ZNF250: variants seen among roughly 807,000 people sequenced by gnomAD.
ZNF250 encodes the protein zinc finger protein 250.
ZNF250 carries 13 observed loss-of-function variants against 37.1 expected under a neutral mutation model. That is an observed-to-expected ratio of 0.35 (90% CI 0.23 to 0.56). The LOEUF (loss-of-function observed/expected upper bound fraction) is 0.56, where lower values mean the gene tolerates loss of function less well. ZNF250 is among the 20% of genes least tolerant of loss of function. The probability of loss-of-function intolerance (pLI) is 0.87; values close to 1 mark genes in which losing one functional copy is unlikely to be tolerated. For missense variants in ZNF250, 474 were observed against 697.9 expected, an observed-to-expected ratio of 0.68 and a Z score of 3.61; for synonymous variants, 251 against 265.6, an observed-to-expected ratio of 0.94 and a Z score of 0.54.
intron 5 of ZNF250, among the ~76,000 whole-genome samples, chr8:144,883,214 C>T (rs989183177): frequency 2.0e-5 from 3 of 152,186 alleles, no homozygotes; most frequent in African/African-American, 7.2e-5. Flanking sequence ...GGGCAGACAG[C>T]AGCACTTGGG....
At chr8:144,884,084 TCTGAG>T (rs1831698296) in intron 5 of ZNF250, among the ~76,000 whole-genome samples, 1 of 152,142 alleles carries the variant, frequency 6.6e-6, no homozygotes, top group African/African-American at 2.4e-5. Context: ...TATGCGTGTT[TCTGAG>T]CTTTCTATAG....
At position 144,877,571 on chromosome 8, in the gene ZNF250, C is replaced by T. The variant is rs931803042; in HGVS notation, c.*3944G>A. 1 of 152,132 alleles carries T rather than the reference C, an allele frequency of 6.6e-6. No homozygotes were observed. The highest frequency in any genetic ancestry group is 1.9e-4 in the East Asian group (1 of 5,196). The allele number at this position is 152,132 out of a possible 1,614,324, so 9.4% of individuals were successfully genotyped here. ...CCCACATGTTCCAGTAGGTCATGTG[C>T]CACCTCTTTCTCCTTGGAGAGGAGG... On this transcript the variant is annotated 3_prime_UTR_variant, in exon 6 of 6. Transcript: ENST00000417550.
chr8:144,890,044 C>T lies in ZNF250; in HGVS notation c.58G>A (p.Glu20Lys), dbSNP rs1304751076. 4 of 1,612,818 alleles carry T rather than the reference C, an allele frequency of 2.5e-6. No individual in the cohort carries two copies. The highest frequency in any genetic ancestry group is 1.6e-4 in the Middle Eastern group (1 of 6,062). The change falls in exon 3 of 6, where the codon GAG becomes AAG. Residue 20 changes from glutamate to lysine, a missense_variant. Physicochemically the swap from Glu to Lys is moderately conservative, Grantham distance 56. Around this residue, in one of 2 missense-constraint regions of ZNF250, gnomAD observed 192 missense variants for 227.5 expected, o/e 0.84. Coordinates refer to ENST00000417550, the MANE Select transcript of ZNF250 (RefSeq NM_001109689.4). This position sits in a 1 kb window ranked among gnomAD's most constrained non-coding sequence, Gnocchi z 5.1. ...PAGPQAKLTF[E>K]DVAVLLSQDE... ...TGGGAGAGGAGCACAGCCACATCCT[C>T]GAAGGTCAGCTTGGCCTGGAACGAC... is the stretch of plus-strand genomic sequence containing the variant.
Position 144,890,060 on chromosome 8 carries a change from C to G in ZNF250, c.43-1G>C, listed in dbSNP as rs769825032. 1.2e-6 allele frequency: 2 copies of G among 1,612,110 alleles called. No individual in the cohort carries two copies. The highest frequency in any genetic ancestry group is 1.7e-6 in the Non-Finnish European group (2 of 1,179,126). ...CCACATCCTCGAAGGTCAGCTTGGC[C>G]TGGAACGACAGGGGCTGCTGCAGGT... On this transcript the variant is annotated splice_acceptor_variant, in intron 2 of 5. Coordinates refer to ENST00000417550, the MANE Select transcript of ZNF250 (RefSeq NM_001109689.4). LOFTEE classifies it high-confidence loss of function. This position sits in a 1 kb window ranked among gnomAD's most constrained non-coding sequence, Gnocchi z 5.1.
Position 144,881,348 on chromosome 8 carries a change from T to A in ZNF250, c.*167A>T, listed in dbSNP as rs898175885. Reference sequence around the variant, plus strand: ...ATAAAACAGGTAGTCTCTGAAGTTTTTCCACAGGAACAGCACGCTAAGTGC... The same window carrying A: ...ATAAAACAGGTAGTCTCTGAAGTTTATCCACAGGAACAGCACGCTAAGTGC... On this transcript the variant is annotated 3_prime_UTR_variant, in exon 6 of 6. Transcript: ENST00000417550. 9.9e-7 allele frequency: 1 copy of A among 1,007,004 alleles called. No homozygotes were observed. The highest frequency in any genetic ancestry group is 1.4e-6 in the Non-Finnish European group (1 of 734,218). 62.4% of individuals were successfully genotyped at this position (1,007,004 alleles called of 1,614,324 possible).
At chr8:144,886,805 T>C (rs761097835) in intron 5 of ZNF250, 35 bp downstream of exon 5, 46 of 1,587,664 alleles carry the variant, frequency 2.9e-5, no homozygotes, top group African/African-American at 2.7e-5. Context: ...CCTTCAGAGA[T>C]TGTACTGAAT....
chr8:144,882,859 A>G lies in ZNF250; in HGVS notation c.347-23T>C, dbSNP rs781179805. The G allele has an allele frequency of 6.3e-7, 1 of 1,586,594 alleles. No individual in the cohort carries two copies. ...ATTCTGAAAGAACAAATCCAAAATG[A>G]AAATGTTAACACTACTCAAAACTGA... On this transcript the variant is annotated intron_variant, in intron 5 of 5. Coordinates refer to ENST00000417550, the MANE Select transcript of ZNF250 (RefSeq NM_001109689.4). The surrounding 1 kb of genome is among the most constrained non-coding windows in gnomAD (Gnocchi z 5.5).
chr8:144,883,322 C>T (rs1423833773), intron 5 of ZNF250, among the ~76,000 whole-genome samples: 1 of 151,796 alleles, frequency 6.6e-6, no homozygotes, highest in Non-Finnish European at 1.5e-5. Context: ...GTGCTGCCAC[C>T]TCTTTGTGGA....
chr8:144,886,568 G>A (rs1213624631), intron 5 of ZNF250, among the ~76,000 whole-genome samples: 6 of 152,096 alleles, frequency 3.9e-5, no homozygotes, highest in South Asian at 4.2e-4. Context: ...TAAGCATGAC[G>A]GAACAAATAA....
At chr8:144,898,446 G>T (rs1832870762) in intron 1 of ZNF250, among the ~76,000 whole-genome samples, 1 of 151,938 alleles carries the variant, frequency 6.6e-6, no homozygotes, top group African/African-American at 2.4e-5. Context: ...ATAGCAACAA[G>T]AAACAAGATT....
chr8:144,890,367 A>C lies in ZNF250; in HGVS notation c.-18T>G. ...GCTGCCATCACCTGGTCTCCTGGGG[A>C]CTCCGAGGATCACGGAAATTGAAGG... On this transcript the variant is annotated 5_prime_UTR_variant, in exon 2 of 6. Coordinates refer to ENST00000417550, the MANE Select transcript of ZNF250 (RefSeq NM_001109689.4). The surrounding 1 kb of genome is among the most constrained non-coding windows in gnomAD (Gnocchi z 5.1). 1 of 1,465,274 alleles carries C rather than the reference A, an allele frequency of 6.8e-7. No homozygotes were observed. Among genetic ancestry groups the C allele is most frequent in the South Asian group, 1.6e-5 (1 of 64,188 alleles). 90.8% of individuals were successfully genotyped at this position (1,465,274 alleles called of 1,614,324 possible). A position where few individuals can be genotyped will look rare whatever the true frequency, so the allele number is the denominator to read the frequency against.
rs1264214031 is a variant in ZNF250 at position 144,879,849 on chromosome 8, T to A, written c.*1666A>T. On this transcript the variant is annotated 3_prime_UTR_variant, in exon 6 of 6. Coordinates refer to ENST00000417550, the MANE Select transcript of ZNF250 (RefSeq NM_001109689.4). ...GGGAGGCCGAGGCGGGCGGATCACC[T>A]GAGGTCAGGAGTTTGAGACCAGCCT... 6.6e-6 allele frequency: 1 copy of A among 152,362 alleles called. No homozygotes were observed. Among genetic ancestry groups the A allele is most frequent in the Non-Finnish European group, 1.5e-5 (1 of 68,150 alleles). 9.4% of individuals were successfully genotyped at this position (152,362 alleles called of 1,614,324 possible).
At position 144,880,370 on chromosome 8, in the gene ZNF250, G is replaced by T. The variant is rs1831383230; in HGVS notation, c.*1145C>A. 2 of 455,346 alleles carry T rather than the reference G, an allele frequency of 4.4e-6. No homozygotes were observed. The highest frequency in any genetic ancestry group is 8.9e-6 in the Non-Finnish European group (2 of 225,986). The allele number at this position is 455,346 out of a possible 1,614,324, so 28.2% of individuals were successfully genotyped here. A position where few individuals can be genotyped will look rare whatever the true frequency, so the allele number is the denominator to read the frequency against. On this transcript the variant is annotated 3_prime_UTR_variant, in exon 6 of 6. Coordinates refer to ENST00000417550, the MANE Select transcript of ZNF250 (RefSeq NM_001109689.4). ...AGATGTAAAGAGGTACCCACTTGGT[G>T]TAACAGCTATGAGGTCTGCTGAGTG... is the stretch of plus-strand genomic sequence containing the variant.
At chr8:144,884,632 C>G (rs1831738842) in intron 5 of ZNF250, among the ~76,000 whole-genome samples, 1 of 152,170 alleles carries the variant, frequency 6.6e-6, no homozygotes, top group Admixed American at 6.5e-5. Context: ...TGCTTACACA[C>G]AAATGTCCTT....
chr8:144,883,827 G>A (rs558723303), intron 5 of ZNF250, among the ~76,000 whole-genome samples: 2 of 152,254 alleles, frequency 1.3e-5, no homozygotes, highest in South Asian at 2.1e-4. Flanking sequence ...CAGGTCGAGC[G>A]CTCTGCAGGC....
Position 144,890,206 on chromosome 8 carries a change from G to A in ZNF250, c.42+102C>T. 4 of 1,494,710 alleles carry A rather than the reference G, an allele frequency of 2.7e-6. No individual in the cohort carries two copies. The highest frequency in any genetic ancestry group is 3.7e-6 in the Non-Finnish European group (4 of 1,093,578). 92.6% of individuals were successfully genotyped at this position (1,494,710 alleles called of 1,614,324 possible). On this transcript the variant is annotated intron_variant, in intron 2 of 5. Transcript: ENST00000417550. The surrounding 1 kb of genome is among the most constrained non-coding windows in gnomAD (Gnocchi z 5.1). ...ATGGGAAGGGGCCGCGGAGTTCAGG[G>A]CATGTGGTGACGCTCTGGCTGCTCT...
chr8:144,888,479 C>T (rs886580967), intron 4 of ZNF250, among the ~76,000 whole-genome samples: 2 of 151,596 alleles, frequency 1.3e-5, no homozygotes, highest in Non-Finnish European at 2.9e-5. Flanking sequence ...GACCTGTAAT[C>T]CCAGCTATTC....
At position 144,877,812 on chromosome 8, in the gene ZNF250, T is replaced by C. The variant is rs1462021499; in HGVS notation, c.*3703A>G. ...GAAGGATTTCCCTGAAAACCCTAGG[T>C]TATTGGAATCCAGAATAACTTGTAC... On this transcript the variant is annotated 3_prime_UTR_variant, in exon 6 of 6. Transcript: ENST00000417550. 2.0e-5 allele frequency: 3 copies of C among 152,226 alleles called. No individual in the cohort carries two copies. The highest frequency in any genetic ancestry group is 7.2e-5 in the African/African-American group (3 of 41,460). The allele number at this position is 152,226 out of a possible 1,614,324, so 9.4% of individuals were successfully genotyped here.
At chr8:144,888,595 C>CA (rs36073563) in intron 4 of ZNF250, among the ~76,000 whole-genome samples, 3,403 of 52,210 alleles carry the variant, frequency 0.065, 85 homozygotes, top group East Asian at 0.089. Flanking sequence ...AAGACTGTCT[C>CA]AAAAAAAAAA....
Sources: allele counts gnomAD v4.1 joint callset (sites outside exome capture counted in the v4.1 genomes callset), GRCh38; gene constraint gnomAD v4.1.1; regional missense constraint gnomAD v4.1.1; non-coding constraint Gnocchi (gnomAD v3.1); transcripts MANE v1.5; gene names NCBI Gene and HGNC (gene_info 2026-07-23, HGNC 2026-07-21).